LCOR: variants seen among roughly 807,000 people sequenced by gnomAD.
The protein encoded by LCOR is ligand dependent nuclear receptor corepressor, also known as ligand-dependent corepressor.
A neutral mutation model predicts 64.4 loss-of-function variants in LCOR; 14 were observed. The ratio of observed to expected loss-of-function variants is 0.22; its 90% CI spans 0.14 to 0.34. The LOEUF (loss-of-function observed/expected upper bound fraction) is 0.34, where lower values mean the gene tolerates loss of function less well. Ranked by LOEUF, LCOR falls within the 10% of genes least tolerant of loss-of-function variation. The pLI is 1.00. For synonymous variants in LCOR, 643 were observed against 642.5 expected (o/e 1.00, Z -0.01); for missense variants, 1,686 against 1,765.3 (o/e 0.96, Z 0.80).
intron 7 of LCOR, chr10:96,956,033 C>A: frequency 6.7e-7 from 1 of 1,483,292 alleles, no homozygotes; most frequent in African/African-American, 1.4e-5. Context: ...TGCTTCTTTG[C>A]AGATTTTGCA....
rs1848140353 is a variant in LCOR at position 96,985,342 on chromosome 10, T to C, written c.*208T>C. ...TGAGGCTAAGGGAAGTTATATATTA[T>C]ATTCTGGTTGTTCCTTGGGTTTTAA... On this transcript the variant is annotated 3_prime_UTR_variant, in exon 8 of 8. Transcript: ENST00000421806. 5.6e-6 allele frequency: 3 copies of C among 537,434 alleles called. No homozygotes were observed. The highest frequency in any genetic ancestry group is 3.5e-5 in the East Asian group (1 of 28,276). The allele number at this position is 537,434 out of a possible 1,614,324, so 33.3% of individuals were successfully genotyped here. A position where few individuals can be genotyped will look rare whatever the true frequency, so the allele number is the denominator to read the frequency against.
At chr10:96,931,125 ATAT>A (rs1409529712) in intron 4 of LCOR, among the ~76,000 whole-genome samples, 2 of 152,048 alleles carry the variant, frequency 1.3e-5, no homozygotes, top group Admixed American at 6.6e-5. Context: ...ATTATTTATA[ATAT>A]TATTATTAAA....
chr10:96,879,187 A>G (rs902088804), intron 2 of LCOR, among the ~76,000 whole-genome samples: 1 of 152,166 alleles, frequency 6.6e-6, no homozygotes, highest in Admixed American at 6.5e-5. Context: ...ATTTAGTCCT[A>G]ATAAAAACAG....
At chr10:96,836,543 C>T (rs1053045492) in intron 2 of LCOR, among the ~76,000 whole-genome samples, 2 of 152,198 alleles carry the variant, frequency 1.3e-5, no homozygotes, top group Non-Finnish European at 2.9e-5. Context: ...CCTCAACCTT[C>T]AGGAACTTTT....
In LCOR at chr10:96,982,854, G is replaced by T; in HGVS notation, c.2394G>T (p.Glu798Asp). 1.9e-6 allele frequency: 3 copies of T among 1,614,026 alleles called. No individual in the cohort carries two copies. Among genetic ancestry groups the T allele is most frequent in the Non-Finnish European group, 2.5e-6 (3 of 1,180,034 alleles). ...ATACAAGCATTGACTCACTCGAAGA[G>T]AATTTGGACAAGAAGAAAAAAGGTA... ...TYDTSIDSLE[E>D]NLDKKKKGKK... The change falls in exon 8 of 8, where the codon GAG becomes GAT. Residue 798 changes from glutamate to aspartate, a missense_variant. This residue lies in a region of LCOR where 1,293 missense variants were observed against 1,410.4 expected (regional missense o/e 0.92). Coordinates refer to ENST00000421806, the MANE Select transcript of LCOR (RefSeq NM_001346516.2).
chr10:96,894,006 G>A (rs965356991), intron 2 of LCOR, among the ~76,000 whole-genome samples: 4 of 152,190 alleles, frequency 2.6e-5, no homozygotes, highest in African/African-American at 9.7e-5. Flanking sequence ...GGAATCATTT[G>A]GGAGGAAAGA....
chr10:96,904,347 T>G (rs1846691519), intron 2 of LCOR, among the ~76,000 whole-genome samples: 1 of 152,134 alleles, frequency 6.6e-6, no homozygotes, highest in Admixed American at 6.5e-5. Context: ...ACCAGAGCTG[T>G]AGGAATGAGC....
At chr10:96,948,054 T>C (rs1263136171) in intron 5 of LCOR, among the ~76,000 whole-genome samples, 1 of 152,198 alleles carries the variant, frequency 6.6e-6, no homozygotes, top group African/African-American at 2.4e-5. Context: ...GTGGTAATTA[T>C]AGAGGCATGA....
At chr10:96,849,308 C>T (rs960866949) in intron 2 of LCOR, among the ~76,000 whole-genome samples, 5 of 151,822 alleles carry the variant, frequency 3.3e-5, no homozygotes, top group South Asian at 2.1e-4. Flanking sequence ...CTCCTGATCT[C>T]GTGATCCACC....
chr10:96,853,025 C>T (rs1233019143), intron 2 of LCOR, among the ~76,000 whole-genome samples: 15 of 152,074 alleles, frequency 9.9e-5, no homozygotes, highest in African/African-American at 3.6e-4. Flanking sequence ...AATAGGAATA[C>T]ACTTTATTTT....
intron 7 of LCOR, among the ~76,000 whole-genome samples, chr10:96,967,645 AG>A (rs1847963097): frequency 6.6e-6 from 1 of 152,230 alleles, no homozygotes; most frequent in African/African-American, 2.4e-5. Flanking sequence ...CAAATACAGT[AG>A]AAACTCTTTA....
chr10:96,957,070 A>T, intron 7 of LCOR: 3 of 985,390 alleles, frequency 3.0e-6, no homozygotes, highest in Non-Finnish European at 3.6e-6. Flanking sequence ...TTTAGGATGC[A>T]TATCAGTTCT....
intron 4 of LCOR, among the ~76,000 whole-genome samples, chr10:96,916,536 A>G (rs763959199): frequency 6.0e-5 from 9 of 151,118 alleles, no homozygotes; most frequent in Non-Finnish European, 8.8e-5. Flanking sequence ...AAAAATTTCA[A>G]TATAGTTTCT....
At chr10:96,975,360 C>A (rs1238733725) in intron 7 of LCOR, among the ~76,000 whole-genome samples, 1 of 151,932 alleles carries the variant, frequency 6.6e-6, no homozygotes, top group African/African-American at 2.4e-5. Context: ...CCTCTCAGAT[C>A]GAAGGGAAGC....
chr10:96,973,466 G>A lies in LCOR; in HGVS notation c.333-7327G>A, dbSNP rs184549908. Among the ~76,000 whole-genome samples the A allele has an allele frequency of 2.0e-5, 3 of 152,240 alleles. No homozygotes were observed. In the East Asian group the frequency reaches 5.8e-4, roughly 30 times the overall value. On this transcript the variant is annotated intron_variant, in intron 7 of 7. Transcript: ENST00000421806. The stretch of plus-strand genomic sequence containing the variant: ...GATAAATTTCTCCGTGTAGAGCAAG[G>A]ACTTGTCAGCAGATTTTTTCAGGCC...
intron 2 of LCOR, among the ~76,000 whole-genome samples, chr10:96,846,882 A>G (rs978395910): frequency 6.6e-6 from 1 of 152,204 alleles, no homozygotes; most frequent in Admixed American, 6.5e-5. Flanking sequence ...AACTTTATGT[A>G]ACATATCCAT....
At position 96,982,791 on chromosome 10, in the gene LCOR, C is replaced by A; in HGVS notation, c.2331C>A (p.Asp777Glu). 6.2e-7 allele frequency: 1 copy of A among 1,613,930 alleles called. No individual in the cohort carries two copies. Among genetic ancestry groups the A allele is most frequent in the South Asian group, 1.1e-5 (1 of 91,074 alleles). ...AGGIGKLEGEDGDVKCLSEKD... is the reference protein window; with the variant it reads ...AGGIGKLEGEEGDVKCLSEKD... ...GTATAGGAAAATTAGAGGGAGAGGA[C>A]GGTGATGTAAAATGCCTGTCAGAAA... The change falls in exon 8 of 8, where the codon GAC becomes GAA. Residue 777 changes from aspartate (D) to glutamate (E), a missense_variant. This residue lies in a region of LCOR where 1,293 missense variants were observed against 1,410.4 expected (regional missense o/e 0.92). Transcript: ENST00000421806.
intron 4 of LCOR, among the ~76,000 whole-genome samples, chr10:96,918,365 A>G (rs1190257086): frequency 6.6e-6 from 1 of 152,136 alleles, no homozygotes; most frequent in African/African-American, 2.4e-5. Flanking sequence ...ATGGGCTTTG[A>G]GAGAATAGGT....
chr10:96,954,404 A>G (rs1489671044), intron 7 of LCOR, among the ~76,000 whole-genome samples: 1 of 97,608 alleles, frequency 1.0e-5, no homozygotes, highest in Non-Finnish European at 1.9e-5. Flanking sequence ...TTGATTTTTG[A>G]TGATGAATAT....
Sources: allele counts gnomAD v4.1 joint callset (sites outside exome capture counted in the v4.1 genomes callset), GRCh38; gene constraint gnomAD v4.1.1; regional missense constraint gnomAD v4.1.1; transcripts MANE v1.5; gene names NCBI Gene and HGNC (gene_info 2026-07-23, HGNC 2026-07-21).